Variants in ADARB2 observed in about 807,000 individuals in gnomAD.
The protein encoded by ADARB2 is adenosine deaminase RNA specific B2 (inactive), also known as inactive double-stranded RNA-specific editase B2.
ADARB2 carries 25 observed loss-of-function variants against 62.2 expected under a neutral mutation model. That is an observed-to-expected ratio of 0.40 (90% CI 0.29 to 0.56). The LOEUF (loss-of-function observed/expected upper bound fraction) is 0.56, where lower values mean the gene tolerates loss of function less well. Ranked by LOEUF, ADARB2 falls within the 20% of genes least tolerant of loss-of-function variation. The pLI is 0.43. For synonymous variants in ADARB2, 572 were observed against 500.8 expected, an observed-to-expected ratio of 1.14 and a Z score of -1.90; for missense variants, 1,071 against 1,077.4, an observed-to-expected ratio of 0.99 and a Z score of 0.08.
intron 3 of ADARB2, among the ~76,000 whole-genome samples, chr10:1,278,055 C>T (rs1017291075): frequency 1.3e-5 from 2 of 151,962 alleles, no homozygotes; most frequent in South Asian, 2.1e-4. Context: ...CTGCAACCTC[C>T]GCCTCCCAGG....
At chr10:1,545,837 C>T (rs1832511166) in intron 1 of ADARB2, among the ~76,000 whole-genome samples, 1 of 152,172 alleles carries the variant, frequency 6.6e-6, no homozygotes, top group Admixed American at 6.5e-5. Flanking sequence ...AGCAGAACGG[C>T]CAGTGCTAGT....
chr10:1,449,901 G>A (rs1831016561), intron 1 of ADARB2, among the ~76,000 whole-genome samples: 1 of 152,224 alleles, frequency 6.6e-6, no homozygotes, highest in Admixed American at 6.5e-5. Flanking sequence ...GAAAACATCT[G>A]GGTGAGTTCA....
At chr10:1,573,185 G>A (rs377194526) in intron 1 of ADARB2, among the ~76,000 whole-genome samples, 1 of 152,220 alleles carries the variant, frequency 6.6e-6, no homozygotes, top group African/African-American at 2.4e-5. Context: ...CTTGTCTGGG[G>A]TGGGCCTGTC....
chr10:1,343,375 C>T (rs577394576), intron 3 of ADARB2, among the ~76,000 whole-genome samples: 3 of 151,912 alleles, frequency 2.0e-5, no homozygotes, highest in Non-Finnish European at 2.9e-5. Context: ...CAGATGCTGG[C>T]GAGAAAAAAG....
Position 1,507,723 on chromosome 10 carries a change from G to A in ADARB2, c.101-128563C>T, listed in dbSNP as rs143978299. Among the ~76,000 whole-genome samples, 1,111 of 152,308 alleles carry A rather than the reference G, an allele frequency of 7.3e-3. 17 individuals carry two copies. The highest frequency in any genetic ancestry group is 0.025 in the African/African-American group (1,053 of 41,564). ...GGTGCTGTCTGAAGGGGTTTCCCCC[G>A]CTTGTTGTGAGTCCTAAGTGCCAGA... is the stretch of plus-strand genomic sequence containing the variant. On this transcript the variant is annotated intron_variant, in intron 1 of 9. Transcript: ENST00000381312.
chr10:1,355,122 C>T (rs1295005348), intron 3 of ADARB2, among the ~76,000 whole-genome samples: 1 of 152,254 alleles, frequency 6.6e-6, no homozygotes, highest in Non-Finnish European at 1.5e-5. Flanking sequence ...TCCTCCCACA[C>T]AGTCGGGCTC....
At chr10:1,458,400 T>C (rs2813424) in intron 1 of ADARB2, among the ~76,000 whole-genome samples, 104,641 of 151,980 alleles carry the variant, frequency 0.69, 36,571 homozygotes, top group Middle Eastern at 0.76. Context: ...ATGAAACAAT[T>C]GAGGCTTTTC....
intron 1 of ADARB2, among the ~76,000 whole-genome samples, chr10:1,647,336 T>C (rs1834055763): frequency 6.6e-6 from 1 of 152,260 alleles, no homozygotes; most frequent in African/African-American, 2.4e-5. Context: ...TGTGCATATA[T>C]GTGTGCATGT....
chr10:1,735,127 G>A (rs1020246559), intron 1 of ADARB2, among the ~76,000 whole-genome samples: 1 of 152,138 alleles, frequency 6.6e-6, no homozygotes, highest in Non-Finnish European at 1.5e-5. Context: ...TCTCCCGCAC[G>A]CCAGAAATCT....
rs1297164325 is a variant in ADARB2 at position 1,660,976 on chromosome 10, C to G, written c.100+76075G>C. ...CCCTGAGATAAACCCCCCCTCTGAC[C>G]AGAAACATGCCAACCCTGAGATAAC... is the stretch of plus-strand genomic sequence containing the variant. On this transcript the variant is annotated intron_variant, in intron 1 of 9. Transcript: ENST00000381312. Among the ~76,000 whole-genome samples, 5 of 152,108 alleles carry G rather than the reference C, an allele frequency of 3.3e-5. No individual in the cohort carries two copies. In the East Asian group the frequency reaches 9.6e-4, roughly 29 times the overall value.
At chr10:1,655,352 C>T (rs1834160775) in intron 1 of ADARB2, among the ~76,000 whole-genome samples, 1 of 152,148 alleles carries the variant, frequency 6.6e-6, no homozygotes, top group Admixed American at 6.6e-5. Flanking sequence ...CCAGACTGGC[C>T]CTAATGCAGA....
chr10:1,683,799 A>G (rs1341649543), intron 1 of ADARB2, among the ~76,000 whole-genome samples: 1 of 152,248 alleles, frequency 6.6e-6, no homozygotes, highest in Non-Finnish European at 1.5e-5. Flanking sequence ...TTGGATGAGC[A>G]GAGAAACGCA....
intron 3 of ADARB2, among the ~76,000 whole-genome samples, chr10:1,306,268 GACAA>G (rs778565260): frequency 2.5e-3 from 375 of 151,838 alleles, no homozygotes; most frequent in Non-Finnish European, 3.7e-3. Flanking sequence ...ACCAACAACA[GACAA>G]ACAGAGAGCC....
chr10:1,520,933 G>T (rs1588286078), intron 1 of ADARB2, among the ~76,000 whole-genome samples: 1 of 152,128 alleles, frequency 6.6e-6, no homozygotes, highest in Admixed American at 6.5e-5. Flanking sequence ...ATAAGACCTC[G>T]ATTTACGCAG....
intron 1 of ADARB2, among the ~76,000 whole-genome samples, chr10:1,489,564 GA>G (rs1831593776): frequency 6.6e-6 from 1 of 152,212 alleles, no homozygotes; most frequent in South Asian, 2.1e-4. Flanking sequence ...ATTAGCGGAA[GA>G]AAAACAACAA....
intron 1 of ADARB2, among the ~76,000 whole-genome samples, chr10:1,620,917 T>C (rs1833696769): frequency 6.6e-6 from 1 of 152,254 alleles, no homozygotes; most frequent in Non-Finnish European, 1.5e-5. Flanking sequence ...TACTCATTCA[T>C]GACAAACTCC....
intron 3 of ADARB2, among the ~76,000 whole-genome samples, chr10:1,346,918 T>C (rs1589199417): frequency 6.6e-6 from 1 of 152,394 alleles, no homozygotes; most frequent in East Asian, 1.9e-4. Flanking sequence ...TGGGGACGTG[T>C]GCCTGTTTGC....
intron 3 of ADARB2, among the ~76,000 whole-genome samples, chr10:1,301,468 C>G (rs78546790): frequency 6.6e-6 from 1 of 152,124 alleles, no homozygotes; most frequent in Non-Finnish European, 1.5e-5. Context: ...TGAAACCCAT[C>G]AAAATATTGA....
intron 1 of ADARB2, among the ~76,000 whole-genome samples, chr10:1,735,599 C>G (rs988494635): frequency 6.6e-6 from 1 of 152,160 alleles, no homozygotes; most frequent in African/African-American, 2.4e-5. Flanking sequence ...ATATCAATGC[C>G]ACTTTGTGTT....
Sources: gnomAD v4.1 joint callset for allele counts (sites outside exome capture counted in the v4.1 genomes callset) on GRCh38, gnomAD v4.1.1 for gene constraint, MANE v1.5 for transcripts, NCBI Gene and HGNC (gene_info 2026-07-23, HGNC 2026-07-21) for gene names.